The following CORO2B variants were observed in gnomAD, a reference collection of about 807,000 sequenced individuals.
CORO2B encodes coronin-2B.
In CORO2B, 26 loss-of-function variants were observed where a neutral mutation model predicts 58.8. The observed-to-expected ratio is 0.44, with a 90% CI of 0.32 to 0.61. The LOEUF is 0.61. Ranked by LOEUF, CORO2B falls within the 20% of genes least tolerant of loss-of-function variation. The pLI is 0.04. For missense variants in CORO2B, 460 were observed against 645.1 expected (o/e 0.71, Z 3.11); for synonymous variants, 242 against 253.8 (o/e 0.95, Z 0.44).
At chr15:68,670,985 G>A (rs543400558) in intron 2 of CORO2B, among the ~76,000 whole-genome samples, 52 of 152,256 alleles carry the variant, frequency 3.4e-4, no homozygotes, top group African/African-American at 1.2e-3. Flanking sequence ...TTCATGTGTG[G>A]AAGAATTCAG....
At chr15:68,637,149 G>A (rs1901055971) in intron 1 of CORO2B, among the ~76,000 whole-genome samples, 1 of 152,214 alleles carries the variant, frequency 6.6e-6, no homozygotes, top group African/African-American at 2.4e-5. Flanking sequence ...AACCAAGTTT[G>A]GAAATGGTCA....
intron 5 of CORO2B, among the ~76,000 whole-genome samples, chr15:68,713,213 T>G (rs1023698257): frequency 3.9e-5 from 6 of 152,176 alleles, no homozygotes; most frequent in African/African-American, 1.4e-4. Flanking sequence ...CTCCTGAGCC[T>G]CAGTTTCCTC....
At chr15:68,651,289 T>A (rs1483332066) in intron 2 of CORO2B, among the ~76,000 whole-genome samples, 1 of 152,186 alleles carries the variant, frequency 6.6e-6, no homozygotes, top group African/African-American at 2.4e-5. Flanking sequence ...GGGCTGGGCC[T>A]GCAGGCGTGG....
chr15:68,725,730 CT>C (rs1252485290), intron 11 of CORO2B, 112 bp from the exon 12 acceptor site: 1 of 1,382,534 alleles, frequency 7.2e-7, no homozygotes, highest in Non-Finnish European at 1.0e-6. Flanking sequence ...AGTGGGAGGC[CT>C]GGGGGAATGT....
At chr15:68,641,707 G>A (rs1450341247) in intron 1 of CORO2B, 2 of 390,988 alleles carry the variant, frequency 5.1e-6, no homozygotes, top group East Asian at 3.3e-4. Flanking sequence ...AGGTGATGGG[G>A]ATGATTAGCC....
At chr15:68,643,156 C>A (rs1901310940) in intron 1 of CORO2B, among the ~76,000 whole-genome samples, 1 of 152,206 alleles carries the variant, frequency 6.6e-6, no homozygotes, top group South Asian at 2.1e-4. Flanking sequence ...AAACACATGA[C>A]TGGCTAAAAT....
intron 2 of CORO2B, among the ~76,000 whole-genome samples, chr15:68,691,624 C>CAAAAAAAAAAAAAAAAA (rs57879519): frequency 3.9e-5 from 1 of 25,756 alleles, no homozygotes; most frequent in Non-Finnish European, 7.3e-5. Flanking sequence ...GACTCCGTCT[C>CAAAAAAAAAAAAAAAAA]AAAAAAAAAA....
chr15:68,578,511 G>T (rs1016414255), upstream of CORO2B, among the ~76,000 whole-genome samples: 1 of 151,976 alleles, frequency 6.6e-6, no homozygotes, highest in Non-Finnish European at 1.5e-5. This position sits in a 1 kb window ranked among gnomAD's most constrained non-coding sequence, Gnocchi z 4.2. Flanking sequence ...CCAGCGCGAG[G>T]TGGGGGTGCG....
the CORO2B span, among the ~76,000 whole-genome samples, chr15:68,518,507 C>T: frequency 6.6e-6 from 1 of 152,110 alleles, no homozygotes; most frequent in African/African-American, 2.4e-5. Flanking sequence ...GCCCTTCTAC[C>T]TTCTCCCTAC....
chr15:68,524,743 T>G, the CORO2B span, among the ~76,000 whole-genome samples: 1 of 152,220 alleles, frequency 6.6e-6, no homozygotes, highest in Non-Finnish European at 1.5e-5. Context: ...TTTATGCTTC[T>G]TTTCTGTTGG....
At chr15:68,546,618 C>T in the CORO2B span, among the ~76,000 whole-genome samples, 7 of 152,208 alleles carry the variant, frequency 4.6e-5, no homozygotes, top group Non-Finnish European at 8.8e-5. Context: ...TACATTTCTT[C>T]TTCCCTTGCA....
At chr15:68,562,141 C>A in the CORO2B span, among the ~76,000 whole-genome samples, 2 of 152,318 alleles carry the variant, frequency 1.3e-5, no homozygotes, top group Non-Finnish European at 2.9e-5. Context: ...TCAGGGCAGT[C>A]CAGTCTGGAA....
chr15:68,609,879 G>A (rs984048514), intron 1 of CORO2B, among the ~76,000 whole-genome samples: 2 of 152,108 alleles, frequency 1.3e-5, no homozygotes, highest in African/African-American at 2.4e-5. Flanking sequence ...AGCACGAAGC[G>A]GTCTGGTTCA....
At chr15:68,611,938 T>G (rs1305975365) in intron 1 of CORO2B, among the ~76,000 whole-genome samples, 1 of 152,004 alleles carries the variant, frequency 6.6e-6, no homozygotes, top group Non-Finnish European at 1.5e-5. Context: ...TGCTGGCTAA[T>G]TTTTGTATTT....
intron 1 of CORO2B, among the ~76,000 whole-genome samples, chr15:68,635,828 CAA>C (rs1383724941): frequency 6.6e-6 from 1 of 152,158 alleles, no homozygotes; most frequent in African/African-American, 2.4e-5. Context: ...GGCCTTGAGG[CAA>C]AGAGTTGGGT....
At chr15:68,654,643 GAAATA>G (rs1344981274) in intron 2 of CORO2B, among the ~76,000 whole-genome samples, 2 of 152,218 alleles carry the variant, frequency 1.3e-5, no homozygotes, top group Non-Finnish European at 2.9e-5. Flanking sequence ...CCCTGTTTGT[GAAATA>G]ATAATAGTGC....
upstream of CORO2B, among the ~76,000 whole-genome samples, chr15:68,578,688 C>G (rs1899335333): frequency 6.6e-6 from 1 of 152,134 alleles, no homozygotes; most frequent in African/African-American, 2.4e-5. The surrounding 1 kb of genome is among the most constrained non-coding windows in gnomAD (Gnocchi z 4.2). Flanking sequence ...GTCCCCGGGC[C>G]AGCGGGACAC....
At position 68,719,246 on chromosome 15, in the gene CORO2B, G is replaced by C. The variant is rs372839722; in HGVS notation, c.1171+12G>C. On this transcript the variant is annotated intron_variant, in intron 10 of 11. Coordinates refer to ENST00000261861, the MANE Select transcript of CORO2B (RefSeq NM_006091.5). ...AGGCATCAACCGAGGTACCACAGCG[G>C]GGGGCTCCACAGAGCACAGGCGGCT... is the stretch of plus-strand genomic sequence containing the variant. 4.7e-5 allele frequency: 76 copies of C among 1,613,140 alleles called. No homozygotes were observed. Among genetic ancestry groups the C allele is most frequent in the Non-Finnish European group, 6.4e-5 (75 of 1,179,282 alleles).
intron 1 of CORO2B, among the ~76,000 whole-genome samples, chr15:68,598,251 G>C (rs1158666189): frequency 6.6e-6 from 1 of 152,246 alleles, no homozygotes; most frequent in Non-Finnish European, 1.5e-5. Context: ...CCGGCTCTCA[G>C]GGAACTGAGC....
Sources: gnomAD v4.1 joint callset for allele counts (sites outside exome capture counted in the v4.1 genomes callset) on GRCh38, gnomAD v4.1.1 for gene constraint, Gnocchi (gnomAD v3.1) non-coding constraint, MANE v1.5 for transcripts, NCBI Gene and HGNC (gene_info 2026-07-23, HGNC 2026-07-21) for gene names.